MGLL: variants seen among roughly 807,000 people sequenced by gnomAD.
The protein encoded by MGLL is lysophospholipase homolog.
MGLL carries 7 observed loss-of-function variants against 29.1 expected under a neutral mutation model. The observed-to-expected ratio is 0.24, with a 90% CI of 0.14 to 0.45. The LOEUF (loss-of-function observed/expected upper bound fraction) is 0.45, where lower values mean the gene tolerates loss of function less well. Among genes scored for constraint, MGLL ranks in the 20% least tolerant of loss-of-function variants. The pLI is 0.99. For synonymous variants in MGLL, 148 were observed against 168.3 expected, an observed-to-expected ratio of 0.88 and a Z score of 0.93; for missense variants, 356 against 413.6, an observed-to-expected ratio of 0.86 and a Z score of 1.21.
At chr3:127,701,040 C>A (rs536185547) in intron 6 of MGLL, among the ~76,000 whole-genome samples, 4 of 152,068 alleles carry the variant, frequency 2.6e-5, no homozygotes, top group Admixed American at 6.5e-5. Context: ...CATGGTAAAA[C>A]CCCATCTCTA....
rs1172450697 is a variant in MGLL at position 127,779,030 on chromosome 3, C to T, written c.262+2759G>A. Among the ~76,000 whole-genome samples the T allele has an allele frequency of 2.0e-5, 3 of 152,172 alleles. No individual in the cohort carries two copies. In the South Asian group the frequency reaches 6.2e-4, roughly 31 times the overall value. Reference sequence around the variant, plus strand: ...TCAGCCTCCCAAAGTGCTGGGACTACAGGTGTGAGCCATTGCACCTTGCCT... The same window carrying T: ...TCAGCCTCCCAAAGTGCTGGGACTATAGGTGTGAGCCATTGCACCTTGCCT... On this transcript the variant is annotated intron_variant, in intron 3 of 7. Transcript: ENST00000265052.
intron 3 of MGLL, among the ~76,000 whole-genome samples, chr3:127,751,631 A>C (rs2076560528): frequency 6.6e-6 from 1 of 152,086 alleles, no homozygotes; most frequent in Non-Finnish European, 1.5e-5. Flanking sequence ...GGCTTGAAGC[A>C]TCATGAGATA....
intron 2 of MGLL, among the ~76,000 whole-genome samples, chr3:127,798,108 G>A (rs572151107): frequency 3.9e-5 from 6 of 152,176 alleles, no homozygotes; most frequent in Non-Finnish European, 8.8e-5. Flanking sequence ...GTGGAAACCC[G>A]ATGTACCTAC....
At chr3:127,751,612 G>A (rs75719466) in intron 3 of MGLL, among the ~76,000 whole-genome samples, 1 of 151,880 alleles carries the variant, frequency 6.6e-6, no homozygotes, top group African/African-American at 2.4e-5. Flanking sequence ...GAGCCCAGAC[G>A]CATGCACTGG....
intron 6 of MGLL, among the ~76,000 whole-genome samples, chr3:127,695,610 G>C (rs1011597561): frequency 2.0e-4 from 30 of 152,138 alleles, no homozygotes; most frequent in African/African-American, 6.5e-4. Context: ...TGGGCGTGGT[G>C]GTGGGCACCT....
chr3:127,756,493 C>A (rs1175284537), intron 3 of MGLL, among the ~76,000 whole-genome samples: 2 of 152,202 alleles, frequency 1.3e-5, no homozygotes, highest in Non-Finnish European at 2.9e-5. Flanking sequence ...TAAGCCTGCT[C>A]ACCCCATCTC....
chr3:127,822,093 T>A, intron 1 of MGLL: 1 of 670,880 alleles, frequency 1.5e-6, no homozygotes, highest in East Asian at 2.8e-5. Flanking sequence ...CCCATCTGTG[T>A]TTATTTTAAA....
chr3:127,759,478 C>T (rs749705394), intron 3 of MGLL, among the ~76,000 whole-genome samples: 1 of 152,160 alleles, frequency 6.6e-6, no homozygotes, highest in Admixed American at 6.5e-5. Flanking sequence ...TGCCTCTCTT[C>T]TGAATCACGT....
At chr3:127,731,251 C>T (rs1365925482) in intron 3 of MGLL, among the ~76,000 whole-genome samples, 2 of 151,800 alleles carry the variant, frequency 1.3e-5, no homozygotes, top group African/African-American at 4.8e-5. Flanking sequence ...AACTCCTGGG[C>T]TCAAGCAATC....
rs938401402 is a variant in MGLL at position 127,690,258 on chromosome 3, G to T, written c.*1940C>A. On this transcript the variant is annotated 3_prime_UTR_variant, in exon 8 of 8. Coordinates refer to ENST00000265052, the MANE Select transcript of MGLL (RefSeq NM_007283.7). ...TAAGCAGGCGGGGCTGGCTTTCTCA[G>T]TGCATATTTTACATTTTTCTCCTTC... is the stretch of plus-strand genomic sequence containing the variant. 1 of 152,170 alleles carries T rather than the reference G, an allele frequency of 6.6e-6. No homozygotes were observed. Among genetic ancestry groups the T allele is most frequent in the Non-Finnish European group, 1.5e-5 (1 of 68,038 alleles). The allele number at this position is 152,170 out of a possible 1,614,324, so 9.4% of individuals were successfully genotyped here. A position where few individuals can be genotyped will look rare whatever the true frequency, so the allele number is the denominator to read the frequency against.
At chr3:127,722,654 C>A in intron 3 of MGLL, 88 bp from the exon 4 acceptor site, 1 of 1,547,076 alleles carries the variant, frequency 6.5e-7, no homozygotes, top group Non-Finnish European at 8.9e-7. Context: ...CAATCGCTCT[C>A]TCTCCTGAGC....
At chr3:127,692,388 C>T (rs1258233644) in intron 7 of MGLL, 65 bp from the exon 8 acceptor site, 20 of 1,601,192 alleles carry the variant, frequency 1.2e-5, no homozygotes, top group African/African-American at 2.7e-5. Flanking sequence ...GAGCGGAGAC[C>T]GTGGGCAGTG....
At chr3:127,763,966 G>C (rs1162735167) in intron 3 of MGLL, among the ~76,000 whole-genome samples, 1 of 152,164 alleles carries the variant, frequency 6.6e-6, no homozygotes, top group Non-Finnish European at 1.5e-5. Flanking sequence ...GAAGCAAGAG[G>C]CTCCACCTCC....
intron 2 of MGLL, among the ~76,000 whole-genome samples, chr3:127,818,093 G>A (rs181134274): frequency 1.6e-3 from 247 of 152,114 alleles, no homozygotes; most frequent in African/African-American, 5.4e-3. Flanking sequence ...CCCGAGTAGC[G>A]GGGGCTACAG....
chr3:127,730,176 G>A (rs183580294), intron 3 of MGLL, among the ~76,000 whole-genome samples: 3 of 152,178 alleles, frequency 2.0e-5, no homozygotes, highest in Admixed American at 6.5e-5. Context: ...GTTATATCCC[G>A]GTAGGGGTGG....
At chr3:127,749,684 A>G (rs2076519975) in intron 3 of MGLL, among the ~76,000 whole-genome samples, 1 of 152,196 alleles carries the variant, frequency 6.6e-6, no homozygotes, top group African/African-American at 2.4e-5. Flanking sequence ...TGACAAGATC[A>G]GTACAGATCT....
chr3:127,818,228 G>A (rs1239655298), intron 2 of MGLL, among the ~76,000 whole-genome samples: 1 of 152,170 alleles, frequency 6.6e-6, no homozygotes, highest in East Asian at 1.9e-4. Context: ...CTCCCGATGT[G>A]TTGGGATTAT....
At chr3:127,742,259 C>T (rs971801091) in intron 3 of MGLL, among the ~76,000 whole-genome samples, 2 of 152,112 alleles carry the variant, frequency 1.3e-5, no homozygotes, top group East Asian at 3.8e-4. Flanking sequence ...CAAAACCCAC[C>T]TTCTTTCTAC....
chr3:127,738,729 C>A (rs537243280), intron 3 of MGLL, among the ~76,000 whole-genome samples: 2 of 152,194 alleles, frequency 1.3e-5, no homozygotes, highest in South Asian at 2.1e-4. Flanking sequence ...GAGTACCAAG[C>A]GGCAGGGTGG....
Sources: gnomAD v4.1 joint callset for allele counts (sites outside exome capture counted in the v4.1 genomes callset) on GRCh38, gnomAD v4.1.1 for gene constraint, MANE v1.5 for transcripts, NCBI Gene and HGNC (gene_info 2026-07-23, HGNC 2026-07-21) for gene names.